The following FER variants were observed in gnomAD, a reference collection of about 807,000 sequenced individuals.
The protein encoded by FER is FER tyrosine kinase.
A neutral mutation model predicts 111.0 loss-of-function variants in FER; 63 were observed. That is an observed-to-expected ratio of 0.57 (90% CI 0.46 to 0.70). The LOEUF (loss-of-function observed/expected upper bound fraction) is 0.70. FER is among the 30% of genes least tolerant of loss of function. The pLI, the probability that FER is intolerant of heterozygous loss-of-function variation, is 0.00. For missense variants in FER, 914 were observed against 954.0 expected (o/e 0.96, Z 0.55); for synonymous variants, 327 against 313.9 (o/e 1.04, Z -0.44).
intron 16 of FER, chr5:109,051,296 A>G: frequency 6.8e-7 from 1 of 1,477,702 alleles, no homozygotes; most frequent in South Asian, 1.1e-5. Flanking sequence ...GAATCTTGAT[A>G]CTTTCAAGCC....
intron 1 of FER, among the ~76,000 whole-genome samples, chr5:108,759,353 C>T (rs899818677): frequency 1.3e-5 from 2 of 152,184 alleles, no homozygotes; most frequent in Non-Finnish European, 2.9e-5. Context: ...CTTTACTGTT[C>T]ATATGTCTAC....
chr5:109,076,514 C>T (rs1372499088), intron 16 of FER, among the ~76,000 whole-genome samples: 2 of 152,130 alleles, frequency 1.3e-5, no homozygotes, highest in Non-Finnish European at 2.9e-5. Flanking sequence ...ACTGCAACCT[C>T]TCCCTCCCTG....
chr5:109,181,565 A>T (rs1485255750), intron 18 of FER, among the ~76,000 whole-genome samples: 1 of 152,232 alleles, frequency 6.6e-6, no homozygotes, highest in East Asian at 1.9e-4. Context: ...TTATATTTTC[A>T]TTAAGGGAAG....
intron 17 of FER, among the ~76,000 whole-genome samples, chr5:109,174,750 G>A (rs979745438): frequency 6.6e-6 from 1 of 152,124 alleles, no homozygotes; most frequent in African/African-American, 2.4e-5. Context: ...ATCCATTTTG[G>A]CTCTTATTTA....
chr5:108,749,528 C>A (rs571611223), intron 1 of FER, among the ~76,000 whole-genome samples: 4 of 152,230 alleles, frequency 2.6e-5, no homozygotes, highest in African/African-American at 9.6e-5. Context: ...CCTGGTATTC[C>A]CCCCATCCCT....
chr5:108,863,717 A>T (rs946112106), intron 5 of FER, among the ~76,000 whole-genome samples: 3 of 152,182 alleles, frequency 2.0e-5, no homozygotes, highest in African/African-American at 7.2e-5. Flanking sequence ...GATAAACATT[A>T]AAAAAATTCA....
At chr5:108,841,139 C>A (rs1019193653) in intron 5 of FER, among the ~76,000 whole-genome samples, 1 of 152,172 alleles carries the variant, frequency 6.6e-6, no homozygotes, top group Non-Finnish European at 1.5e-5. Context: ...TTAACTCTTT[C>A]CAAAGTCATG....
At chr5:108,830,555 T>TTATTATTG (rs1198360622) in intron 3 of FER, 1 of 152,010 alleles carries the variant, frequency 6.6e-6, no homozygotes, top group Non-Finnish European at 1.5e-5. Context: ...TATTATTGTA[T>TTATTATTG]TATTATTATT....
rs868782771 is a variant in FER at position 109,189,787 on chromosome 5, A to T, written c.*2212A>T. ...GAATGATGGTTTTGGCTTTAGTTTTATGAACAAGACCTAAAGCTTAATCCT... is the reference window on the plus strand; with the variant it reads ...GAATGATGGTTTTGGCTTTAGTTTTTTGAACAAGACCTAAAGCTTAATCCT... On this transcript the variant is annotated 3_prime_UTR_variant, in exon 20 of 20. Transcript: ENST00000281092. 10 of 152,324 alleles carry T rather than the reference A, an allele frequency of 6.6e-5. No homozygotes were observed. In the Middle Eastern group the frequency reaches 0.014, roughly 207 times the overall value. The allele number at this position is 152,324 out of a possible 1,614,324, so 9.4% of individuals were successfully genotyped here. A position where few individuals can be genotyped will look rare whatever the true frequency, so the allele number is the denominator to read the frequency against.
intron 13 of FER, among the ~76,000 whole-genome samples, chr5:109,027,014 T>C (rs1768843141): frequency 6.6e-6 from 1 of 152,218 alleles, no homozygotes; most frequent in South Asian, 2.1e-4. Context: ...TTGGTCTTTG[T>C]GCATTAGCTC....
rs930081572 is a variant in FER, at chr5:109,187,982, T to A, written c.*407T>A. 1.2e-5 allele frequency: 2 copies of A among 169,362 alleles called. No individual in the cohort carries two copies. The highest frequency in any genetic ancestry group is 4.8e-5 in the African/African-American group (2 of 41,640). 10.5% of individuals were successfully genotyped at this position (169,362 alleles called of 1,614,324 possible). On this transcript the variant is annotated 3_prime_UTR_variant, in exon 20 of 20. Coordinates refer to ENST00000281092, the MANE Select transcript of FER (RefSeq NM_005246.4). ...ATAAACAGCATTGGTAATGCCATGT[T>A]TGCAGGACATGTTCCAACCACAGCT...
chr5:108,827,442 T>C (rs1759582000), intron 3 of FER, among the ~76,000 whole-genome samples: 1 of 152,220 alleles, frequency 6.6e-6, no homozygotes, highest in South Asian at 2.1e-4. Flanking sequence ...AAAAAAATAG[T>C]ACCCATTTCT....
intron 17 of FER, among the ~76,000 whole-genome samples, chr5:109,174,160 G>A (rs779480011): frequency 1.3e-5 from 2 of 152,152 alleles, no homozygotes; most frequent in Non-Finnish European, 2.9e-5. Flanking sequence ...GGTATGAAGT[G>A]CGGTAAAGGA....
At chr5:108,864,098 G>C (rs557580469) in intron 5 of FER, among the ~76,000 whole-genome samples, 2 of 152,244 alleles carry the variant, frequency 1.3e-5, no homozygotes, top group South Asian at 2.1e-4. Context: ...GTAACATTTT[G>C]TTAAAAACTT....
chr5:108,877,369 CAA>C (rs1363260901), intron 8 of FER, among the ~76,000 whole-genome samples: 1 of 152,090 alleles, frequency 6.6e-6, no homozygotes, highest in Non-Finnish European at 1.5e-5. Flanking sequence ...TTAAGGGAAA[CAA>C]AGTTGTATGG....
chr5:108,887,083 T>C (rs185997115), intron 9 of FER, among the ~76,000 whole-genome samples: 1 of 151,858 alleles, frequency 6.6e-6, no homozygotes, highest in Non-Finnish European at 1.5e-5. Flanking sequence ...TAAACTTACA[T>C]TATCTTTACT....
chr5:108,855,625 A>G (rs980155157), intron 5 of FER, among the ~76,000 whole-genome samples: 1 of 151,690 alleles, frequency 6.6e-6, no homozygotes, highest in African/African-American at 2.4e-5. Context: ...ACAAAAGACC[A>G]ATGTAAAAGG....
At chr5:108,789,085 T>C (rs896065903) in intron 2 of FER, among the ~76,000 whole-genome samples, 5 of 152,364 alleles carry the variant, frequency 3.3e-5, no homozygotes, top group African/African-American at 1.2e-4. Context: ...AACGATAACA[T>C]ACACACAGAA....
intron 8 of FER, among the ~76,000 whole-genome samples, chr5:108,879,699 AAAATATATATATAT>A (rs928822318): frequency 1.2e-4 from 11 of 93,526 alleles, no homozygotes; most frequent in Non-Finnish European, 2.1e-4. Flanking sequence ...AGATTAAAAA[AAAATATATATATAT>A]ATATATATAT....
Sources: allele counts gnomAD v4.1 joint callset (sites outside exome capture counted in the v4.1 genomes callset), GRCh38; gene constraint gnomAD v4.1.1; transcripts MANE v1.5; gene names NCBI Gene and HGNC (gene_info 2026-07-23, HGNC 2026-07-21).